Variants in ZNF804A observed in about 807,000 individuals in gnomAD.
The protein encoded by ZNF804A is zinc finger protein 804A.
Under a neutral mutation model 16.5 loss-of-function variants are expected in ZNF804A, and 2 were observed. The ratio of observed to expected loss-of-function variants is 0.12; its 90% CI spans 0.05 to 0.38. The LOEUF (loss-of-function observed/expected upper bound fraction) is 0.38. Among genes scored for constraint, ZNF804A ranks in the 10% least tolerant of loss-of-function variants. ZNF804A has a pLI of 0.99. For synonymous variants in ZNF804A, 534 were observed against 489.6 expected (o/e 1.09, Z -1.20); for missense variants, 1,473 against 1,390.7 (o/e 1.06, Z -0.94).
rs1050264676 is a variant in ZNF804A, at chr2:184,937,656, G to T, written c.2260G>T (p.Val754Phe). Residue 754 changes from valine (V) to phenylalanine (F), a missense_variant, in exon 4 of 4, where the codon GTT becomes TTT. Transcript: ENST00000302277. ...GAAACACATGAGTCAGAATCAGGCT[G>T]TTAAAAGAGGTTACAATTCTGTCAT... ...DMKHMSQNQAVKRGYNSVMNE... is the reference protein window; with the variant it reads ...DMKHMSQNQAFKRGYNSVMNE... 1.2e-6 allele frequency: 2 copies of T among 1,614,006 alleles called. No homozygotes were observed. Among genetic ancestry groups the T allele is most frequent in the Non-Finnish European group, 1.7e-6 (2 of 1,179,958 alleles).
rs142658197 is a variant in ZNF804A, at chr2:184,799,418, T to G, written c.112-66951T>G. Among the ~76,000 whole-genome samples, 707 of 152,364 alleles carry G rather than the reference T, an allele frequency of 4.6e-3. 8 individuals carry two copies. The highest frequency in any genetic ancestry group is 0.014 in the South Asian group (66 of 4,826). ...TATGTTTTGAAGTTTTTTTGCATTA[T>G]GTACCTGAAATATATTAAGCTACAG... On this transcript the variant is annotated intron_variant, in intron 1 of 3. Transcript: ENST00000302277.
At chr2:184,749,012 G>T (rs993359608) in intron 1 of ZNF804A, among the ~76,000 whole-genome samples, 1 of 151,558 alleles carries the variant, frequency 6.6e-6, no homozygotes, top group Non-Finnish European at 1.5e-5. Flanking sequence ...TTTGAAATCA[G>T]GTAGTGTGAT....
At chr2:184,660,916 A>T (rs1049176230) in intron 1 of ZNF804A, among the ~76,000 whole-genome samples, 7 of 152,258 alleles carry the variant, frequency 4.6e-5, no homozygotes, top group African/African-American at 1.7e-4. Flanking sequence ...TGGTAACTCT[A>T]TTCTCATTAA....
intron 1 of ZNF804A, among the ~76,000 whole-genome samples, chr2:184,641,629 A>G (rs781366755): frequency 2.0e-5 from 3 of 152,256 alleles, no homozygotes; most frequent in Non-Finnish European, 4.4e-5. Flanking sequence ...GTACACATAT[A>G]TATCATTGCA....
At chr2:184,886,619 C>A (rs1319841242) in intron 2 of ZNF804A, among the ~76,000 whole-genome samples, 2 of 152,260 alleles carry the variant, frequency 1.3e-5, no homozygotes, top group East Asian at 3.9e-4. Context: ...CTTCTGAAAT[C>A]TAGGCAGAGG....
intron 1 of ZNF804A, among the ~76,000 whole-genome samples, chr2:184,752,573 C>T (rs137946197): frequency 9.4e-4 from 143 of 151,560 alleles, no homozygotes; most frequent in African/African-American, 3.0e-3. Context: ...CCAATTCCCA[C>T]CAGTACACAA....
At chr2:184,885,699 T>C (rs1684877870) in intron 2 of ZNF804A, among the ~76,000 whole-genome samples, 1 of 152,072 alleles carries the variant, frequency 6.6e-6, no homozygotes, top group African/African-American at 2.4e-5. Context: ...GCTACTTACA[T>C]GGCGGCAGCA....
At chr2:184,847,553 A>T (rs1232688518) in intron 1 of ZNF804A, among the ~76,000 whole-genome samples, 1 of 152,090 alleles carries the variant, frequency 6.6e-6, no homozygotes, top group Non-Finnish European at 1.5e-5. Flanking sequence ...TTTCAACAAG[A>T]TAAAGACTAG....
In ZNF804A at chr2:184,734,761, T is replaced by A. The variant is rs186561466; in HGVS notation, c.112-131608T>A. Among the ~76,000 whole-genome samples the A allele has an allele frequency of 1.6e-3, 242 of 152,362 alleles. 1 individual carries two copies. Among genetic ancestry groups the A allele is most frequent in the East Asian group, 3.9e-4 (2 of 5,188 alleles). On this transcript the variant is annotated intron_variant, in intron 1 of 3. Transcript: ENST00000302277. ...ATTCTGTCCATATCTGGCAAAATGA[T>A]GCTGAAGTTTTAAACTATTGTGGTG...
At chr2:184,694,585 A>G (rs1332865188) in intron 1 of ZNF804A, among the ~76,000 whole-genome samples, 5 of 152,196 alleles carry the variant, frequency 3.3e-5, no homozygotes, top group African/African-American at 1.2e-4. Flanking sequence ...GCATTATCTA[A>G]GTTTGAGTTT....
rs142956604 is a variant in ZNF804A, at chr2:184,688,601, A to G, written c.111+89531A>G. ...TATTTCCCACAATTTTATGATTTAC[A>G]TGTCTCTCAATATACAATACTTCAA... On this transcript the variant is annotated intron_variant, in intron 1 of 3. Transcript: ENST00000302277. 2.4e-3 allele frequency among the ~76,000 whole-genome samples: 360 copies of G among 152,192 alleles called. 3 individuals are homozygous for G. Among genetic ancestry groups the G allele is most frequent in the African/African-American group, 8.0e-3 (331 of 41,544 alleles).
chr2:184,785,969 C>T (rs546334114), intron 1 of ZNF804A, among the ~76,000 whole-genome samples: 202 of 152,028 alleles, frequency 1.3e-3, no homozygotes, highest in Middle Eastern at 0.01. Flanking sequence ...ATACTTGTTA[C>T]GTTGGGATGT....
chr2:184,812,646 G>T (rs1256485027), intron 1 of ZNF804A, among the ~76,000 whole-genome samples: 2 of 152,080 alleles, frequency 1.3e-5, no homozygotes, highest in East Asian at 3.9e-4. Flanking sequence ...ATAGGGGTGT[G>T]CGGGCTCTAC....
chr2:184,812,477 C>T (rs1694917126), intron 1 of ZNF804A, among the ~76,000 whole-genome samples: 2 of 152,094 alleles, frequency 1.3e-5, no homozygotes, highest in Admixed American at 6.6e-5. Flanking sequence ...TTCCCCTCTT[C>T]TCTGACAGCT....
At chr2:184,906,308 T>C (rs1685273303) in intron 2 of ZNF804A, among the ~76,000 whole-genome samples, 1 of 152,272 alleles carries the variant, frequency 6.6e-6, no homozygotes, top group Admixed American at 6.5e-5. Context: ...CTTTGTTGTT[T>C]GTTTGTTTGA....
At chr2:184,866,086 G>A (rs1422372179) in intron 1 of ZNF804A, among the ~76,000 whole-genome samples, 2 of 152,134 alleles carry the variant, frequency 1.3e-5, no homozygotes, top group Non-Finnish European at 2.9e-5. Context: ...TGCTAACCTA[G>A]CATAGGAACT....
intron 1 of ZNF804A, among the ~76,000 whole-genome samples, chr2:184,767,850 A>G (rs1049150074): frequency 2.4e-4 from 36 of 152,170 alleles, no homozygotes; most frequent in African/African-American, 8.2e-4. Flanking sequence ...ATTGTTGCAA[A>G]TAAATAAGGC....
chr2:184,644,500 G>A (rs1234856879), intron 1 of ZNF804A, among the ~76,000 whole-genome samples: 1 of 151,650 alleles, frequency 6.6e-6, no homozygotes, highest in African/African-American at 2.4e-5. Context: ...TAAAAAATCT[G>A]TAATTATTTG....
chr2:184,633,267 C>A (rs58706472), intron 1 of ZNF804A, among the ~76,000 whole-genome samples: 1 of 152,266 alleles, frequency 6.6e-6, no homozygotes, highest in East Asian at 1.9e-4. Flanking sequence ...ATACATGTAT[C>A]TATTGCTTCA....
Sources: gnomAD v4.1 joint callset for allele counts (sites outside exome capture counted in the v4.1 genomes callset) on GRCh38, gnomAD v4.1.1 for gene constraint, MANE v1.5 for transcripts, NCBI Gene and HGNC (gene_info 2026-07-23, HGNC 2026-07-21) for gene names.